Variants in APMAP observed in about 807,000 individuals in gnomAD.
APMAP encodes the protein adipocyte plasma membrane-associated protein.
In APMAP, 33 loss-of-function variants were observed where a neutral mutation model predicts 43.6. The ratio of observed to expected loss-of-function variants is 0.76; its 90% CI spans 0.57 to 1.01. The LOEUF (loss-of-function observed/expected upper bound fraction) is 1.01. Ranked by LOEUF, APMAP falls within the 50% of genes least tolerant of loss-of-function variation. The pLI, the probability that APMAP is intolerant of heterozygous loss-of-function variation, is 0.00. For missense variants in APMAP, 498 were observed against 540.7 expected, an observed-to-expected ratio of 0.92 and a Z score of 0.78; for synonymous variants, 224 against 216.7, an observed-to-expected ratio of 1.03 and a Z score of -0.30.
intron 3 of APMAP, among the ~76,000 whole-genome samples, chr20:24,974,712 G>A (rs1223148701): frequency 6.6e-6 from 1 of 152,188 alleles, no homozygotes. Context: ...AATTCAGACA[G>A]AGAACACTTC....
At chr20:24,966,341 G>C (rs1273415785) in intron 8 of APMAP, among the ~76,000 whole-genome samples, 1 of 152,202 alleles carries the variant, frequency 6.6e-6, no homozygotes, top group Non-Finnish European at 1.5e-5. Flanking sequence ...ACCATAAGAT[G>C]GCACTGGTGA....
At position 24,992,659 on chromosome 20, in the gene APMAP, G is replaced by C. The variant is rs1174534684; in HGVS notation, c.30C>G (p.Arg10=). The change falls in exon 1 of 9, where the codon CGC becomes CGG. Residue 10 remains arginine (R), a synonymous_variant. Transcript: ENST00000217456. MSEADGLRQ[R]RPLRPQVVTD... is the part of the protein sequence containing the mutation. Reference sequence around the variant, plus strand: ...TGACGACCTGCGGCCGCAGGGGCCGGCGCTGTCGCAGCCCGTCCGCCTCGC... The same window carrying C: ...TGACGACCTGCGGCCGCAGGGGCCGCCGCTGTCGCAGCCCGTCCGCCTCGC... The C allele has an allele frequency of 5.1e-6, 8 of 1,555,710 alleles. No individual in the cohort carries two copies. The African/African-American group carries it at 1.1e-4, about 21-fold the overall frequency.
chr20:24,979,470 C>T (rs1032982787), intron 2 of APMAP, among the ~76,000 whole-genome samples: 8 of 152,174 alleles, frequency 5.3e-5, no homozygotes, highest in South Asian at 2.1e-4. Flanking sequence ...CTCACAGACA[C>T]GGCTCCAGAA....
chr20:24,988,264 TCTGTCTTGACTCCAA>T (rs778631166), intron 1 of APMAP, among the ~76,000 whole-genome samples: 7 of 152,248 alleles, frequency 4.6e-5, no homozygotes, highest in Non-Finnish European at 1.0e-4. Flanking sequence ...ATTTTCCTCA[TCTGTCTTGACTCCAA>T]CATTGTGACC....
At chr20:24,964,162 G>A (rs986434251) in intron 8 of APMAP, 140 bp from the exon 9 acceptor site, 1 of 912,710 alleles carries the variant, frequency 1.1e-6, no homozygotes, top group East Asian at 2.6e-5. Context: ...GTGCCCCACA[G>A]GACAGCTAAT....
At chr20:24,988,143 C>G (rs1432583349) in intron 1 of APMAP, among the ~76,000 whole-genome samples, 2 of 152,272 alleles carry the variant, frequency 1.3e-5, no homozygotes, top group East Asian at 3.9e-4. Flanking sequence ...AGAGAAGAGT[C>G]CCTCTAGGGA....
intron 8 of APMAP, among the ~76,000 whole-genome samples, chr20:24,968,656 C>T (rs866277375): frequency 5.5e-4 from 84 of 151,838 alleles, no homozygotes; most frequent in African/African-American, 2.0e-3. Context: ...AGGCAGATGC[C>T]CAAAGCCACG....
intron 2 of APMAP, among the ~76,000 whole-genome samples, chr20:24,979,911 C>G (rs566129032): frequency 4.7e-4 from 71 of 152,288 alleles, no homozygotes; most frequent in Non-Finnish European, 7.9e-4. Context: ...CTCTTTGCTC[C>G]ACTTGGAACA....
chr20:24,986,306 AC>A (rs1477500620), intron 1 of APMAP, among the ~76,000 whole-genome samples: 21 of 152,118 alleles, frequency 1.4e-4, no homozygotes, highest in Non-Finnish European at 1.5e-5. Flanking sequence ...GCCAGTCCTT[AC>A]CCCTTTTATT....
At chr20:24,985,084 G>C (rs1379296247) in intron 1 of APMAP, among the ~76,000 whole-genome samples, 2 of 152,072 alleles carry the variant, frequency 1.3e-5, no homozygotes, top group African/African-American at 2.4e-5. Flanking sequence ...CTCTGTTCTG[G>C]GTATGGTGTA....
intron 1 of APMAP, among the ~76,000 whole-genome samples, chr20:24,992,078 C>T (rs2088197389): frequency 6.6e-6 from 1 of 152,190 alleles, no homozygotes; most frequent in Admixed American, 6.5e-5. Context: ...TGCAGAAGAG[C>T]AAGTGTAGAA....
chr20:24,985,150 G>T (rs1340748969), intron 1 of APMAP, among the ~76,000 whole-genome samples: 1 of 152,170 alleles, frequency 6.6e-6, no homozygotes, highest in Non-Finnish European at 1.5e-5. Context: ...CTGCAGGCCA[G>T]TTTCTCCACT....
chr20:24,990,760 A>C (rs1036506422), intron 1 of APMAP, among the ~76,000 whole-genome samples: 23 of 152,230 alleles, frequency 1.5e-4, no homozygotes, highest in African/African-American at 5.3e-4. Flanking sequence ...AAAATATAGG[A>C]GAAATGCAGA....
intron 8 of APMAP, among the ~76,000 whole-genome samples, chr20:24,966,479 CA>C (rs1329453555): frequency 5.3e-5 from 8 of 152,232 alleles, no homozygotes. Context: ...CCCAACAGAG[CA>C]AACTGGTATC....
intron 1 of APMAP, among the ~76,000 whole-genome samples, chr20:24,985,116 C>T (rs1199934878): frequency 6.6e-6 from 1 of 152,188 alleles, no homozygotes; most frequent in East Asian, 1.9e-4. Context: ...GCCAAGCCCT[C>T]TTTCCCAACA....
chr20:24,990,532 A>C (rs956793242), intron 1 of APMAP, among the ~76,000 whole-genome samples: 1 of 152,226 alleles, frequency 6.6e-6, no homozygotes, highest in African/African-American at 2.4e-5. Flanking sequence ...TAGTTCTGTC[A>C]GTTTAGTAAT....
rs2087987086 is a variant in APMAP at position 24,970,285 on chromosome 20, C to T, written c.625G>A (p.Gly209Arg). ...GAATCGGTGAAATAAATCTTCCTCC[C>T]ATCCTGAGTGACTGTAAGATCATTC... is the stretch of plus-strand genomic sequence containing the variant. Reference protein sequence around the residue: ...FVNDLTVTQDGRKIYFTDSSS... With the variant: ...FVNDLTVTQDRRKIYFTDSSS... The change falls in exon 6 of 9, where the codon GGG (glycine) becomes AGG (arginine). Residue 209 changes from glycine to arginine, a missense_variant. Coordinates refer to ENST00000217456, the MANE Select transcript of APMAP (RefSeq NM_020531.3). 1.2e-6 allele frequency: 2 copies of T among 1,614,004 alleles called. No homozygotes were observed. The highest frequency in any genetic ancestry group is 1.7e-6 in the Non-Finnish European group (2 of 1,180,026).
chr20:24,981,456 C>A (rs2088104163), intron 2 of APMAP, among the ~76,000 whole-genome samples: 1 of 152,226 alleles, frequency 6.6e-6, no homozygotes, highest in South Asian at 2.1e-4. Flanking sequence ...AGAACCAGCT[C>A]TCTGAGGTCC....
At chr20:24,969,105 G>C (rs921671442) in intron 7 of APMAP, 21 bp from the exon 8 acceptor site, 3 of 1,565,118 alleles carry the variant, frequency 1.9e-6, no homozygotes, top group Non-Finnish European at 2.6e-6. Flanking sequence ...CACCCAAGCA[G>C]AGAGTGAACC....
Sources: gnomAD v4.1 joint callset for allele counts (sites outside exome capture counted in the v4.1 genomes callset) on GRCh38, gnomAD v4.1.1 for gene constraint, MANE v1.5 for transcripts, NCBI Gene and HGNC (gene_info 2026-07-23, HGNC 2026-07-21) for gene names.